Variants in IFT140 observed in about 807,000 individuals in gnomAD.
The protein encoded by IFT140 is intraflagellar transport protein 140 homolog.
A neutral mutation model predicts 164.6 loss-of-function variants in IFT140; 133 were observed. The observed-to-expected ratio is 0.81, with a 90% confidence interval of 0.70 to 0.93. IFT140 has a LOEUF of 0.93. Ranked by LOEUF, IFT140 falls within the 40% of genes least tolerant of loss-of-function variation. The pLI, the probability that IFT140 is intolerant of heterozygous loss-of-function variation, is 0.00. For missense variants in IFT140, 2,045 were observed against 1,972.3 expected, an observed-to-expected ratio of 1.04 and a Z score of -0.70; for synonymous variants, 860 against 817.3, an observed-to-expected ratio of 1.05 and a Z score of -0.89.
intron 4 of IFT140, among the ~76,000 whole-genome samples, chr16:1,598,489 T>A (rs1020899543): frequency 6.6e-5 from 10 of 152,066 alleles, no homozygotes; most frequent in African/African-American, 1.2e-4. Context: ...ATGGCTCCTA[T>A]AAATGATATT....
chr16:1,555,043 C>A (rs12443936), intron 19 of IFT140: 13 of 1,598,228 alleles, frequency 8.1e-6, no homozygotes, highest in Admixed American at 1.7e-5. Flanking sequence ...CTTCTCAGCG[C>A]TCCATCAACG....
Position 1,516,139 on chromosome 16 carries a change from C to CAAAAAAAAAAAAAAAAAAAAAAAAAAA in IFT140, c.4182+2050_4182+2076dup, listed in dbSNP as rs869165237. ...GGCTACAAAGAGCAAAACTCTGTCT[C>CAAAAAAAAAAAAAAAAAAAAAAAAAAA]AAAAAAAAAAAAAAAAAAAAAAAAA... On this transcript the variant is annotated intron_variant, in intron 30 of 30. Transcript: ENST00000426508. 6.5e-5 allele frequency among the ~76,000 whole-genome samples: 3 copies of CAAAAAAAAAAAAAAAAAAAAAAAAAAA among 46,022 alleles called. 1 individual carries two copies. Among genetic ancestry groups the CAAAAAAAAAAAAAAAAAAAAAAAAAAA allele is most frequent in the Non-Finnish European group, 1.4e-4 (3 of 22,028 alleles). The allele number at this position is 46,022 out of a possible 152,430, so 30.2% of individuals were successfully genotyped here. A position where few individuals can be genotyped will look rare whatever the true frequency, so the allele number is the denominator to read the frequency against.
chr16:1,520,542 G>A, intron 27 of IFT140, 60 bp downstream of exon 27: 6 of 1,490,434 alleles, frequency 4.0e-6, no homozygotes, highest in Non-Finnish European at 5.5e-6. Context: ...GATGCGTGCA[G>A]GGGGCCCGCA....
chr16:1,514,800 A>C (rs533180408), intron 30 of IFT140: 1 of 152,368 alleles, frequency 6.6e-6, no homozygotes, highest in African/African-American at 2.4e-5. Context: ...GATCAATCCT[A>C]CATGACCCAG....
chr16:1,511,871 C>G (rs1755938332), intron 30 of IFT140, among the ~76,000 whole-genome samples: 1 of 151,726 alleles, frequency 6.6e-6, no homozygotes, highest in African/African-American at 2.4e-5. Flanking sequence ...TTGGGTAATG[C>G]TGTAGTGGGG....
Position 1,600,557 on chromosome 16 carries a change from A to G in IFT140, c.369+1813T>C, listed in dbSNP as rs551271183. Among the ~76,000 whole-genome samples the G allele has an allele frequency of 2.6e-5, 4 of 152,356 alleles. No homozygotes were observed. In the South Asian group the frequency reaches 8.3e-4, roughly 32 times the overall value. ...AATTAGCAAAAGATTGAAAACCACC[A>G]AAATGTTAATCAACAGGGGGCTGGT... is the stretch of plus-strand genomic sequence containing the variant. On this transcript the variant is annotated intron_variant, in intron 4 of 30. Transcript: ENST00000426508.
At chr16:1,610,081 G>A (rs1258058338) in intron 2 of IFT140, 1 of 153,150 alleles carries the variant, frequency 6.5e-6, no homozygotes, top group Admixed American at 6.5e-5. Context: ...GCTTTGAGTA[G>A]CCTTCCTCGG....
chr16:1,592,690 C>T, intron 4 of IFT140, 102 bp from the exon 5 acceptor site: 1 of 1,497,652 alleles, frequency 6.7e-7, no homozygotes, highest in Non-Finnish European at 9.0e-7. Flanking sequence ...GACAGGTGTC[C>T]CGGCAGAGCG....
At chr16:1,511,285 G>A in intron 30 of IFT140, 135 bp from the exon 31 acceptor site, 1 of 779,090 alleles carries the variant, frequency 1.3e-6, no homozygotes, top group Admixed American at 2.0e-5. Context: ...GGGGTGCACT[G>A]AGGCTTCCCA....
At chr16:1,606,158 G>T (rs936114562) in intron 3 of IFT140, among the ~76,000 whole-genome samples, 2 of 152,232 alleles carry the variant, frequency 1.3e-5, no homozygotes, top group African/African-American at 4.8e-5. Context: ...AGAGCTGCCA[G>T]AATACCTTCC....
intron 4 of IFT140, among the ~76,000 whole-genome samples, chr16:1,600,262 G>A (rs1019704322): frequency 2.8e-5 from 4 of 145,240 alleles, no homozygotes; most frequent in Admixed American, 6.9e-5. Context: ...CAGCATGCTC[G>A]TTAAGAGTCA....
At chr16:1,513,798 C>T (rs184085046) in intron 30 of IFT140, among the ~76,000 whole-genome samples, 34,020 of 147,640 alleles carry the variant, frequency 0.23, 4,407 homozygotes, top group African/African-American at 0.36. Flanking sequence ...CTCAGCCTCC[C>T]AAGTAGCTGG....
At position 1,523,592 on chromosome 16, in the gene IFT140, C is replaced by T; in HGVS notation, c.3379G>A (p.Ala1127Thr). 1 of 1,613,848 alleles carries T rather than the reference C, an allele frequency of 6.2e-7. No individual in the cohort carries two copies. The highest frequency in any genetic ancestry group is 8.5e-7 in the Non-Finnish European group (1 of 1,180,000). ...TCGATGAAGAAGTCGGAGCAGCGGGCCAGGAGCGCAGGGTCTGACGTCTCA... is the reference window on the plus strand; with the variant it reads ...TCGATGAAGAAGTCGGAGCAGCGGGTCAGGAGCGCAGGGTCTGACGTCTCA... ...LDETSDPALL[A>T]RCSDFFIEHS... is the part of the protein sequence containing the mutation. Residue 1127 changes from alanine (A) to threonine (T), a missense_variant, in exon 26 of 31, where the codon GCC (alanine) becomes ACC (threonine). Ala to Thr is a moderately conservative substitution (Grantham distance 58). Transcript: ENST00000426508.
chr16:1,511,591 T>A (rs942365279), intron 30 of IFT140, among the ~76,000 whole-genome samples: 3 of 152,002 alleles, frequency 2.0e-5, no homozygotes, highest in Non-Finnish European at 4.4e-5. Flanking sequence ...GTATTTTTTT[T>A]TTTTGAGATG....
intron 12 of IFT140, among the ~76,000 whole-genome samples, chr16:1,581,592 T>C (rs2034560375): frequency 6.6e-6 from 1 of 150,786 alleles, no homozygotes; most frequent in African/African-American, 2.5e-5. Flanking sequence ...ACAGCAAGAC[T>C]GTCTCAGAAA....
At chr16:1,588,559 G>A (rs989969047) in intron 7 of IFT140, among the ~76,000 whole-genome samples, 3 of 77,354 alleles carry the variant, frequency 3.9e-5, no homozygotes, top group African/African-American at 2.2e-4. Context: ...AGTAATAATG[G>A]CTACTGAGCA....
At chr16:1,549,846 C>A (rs2032487957) in intron 19 of IFT140, among the ~76,000 whole-genome samples, 2 of 152,236 alleles carry the variant, frequency 1.3e-5, no homozygotes, top group Non-Finnish European at 2.9e-5. Context: ...CTGTTTACAC[C>A]TGATCTGCCA....
chr16:1,543,305 C>A (rs1367520738), intron 19 of IFT140, among the ~76,000 whole-genome samples: 2 of 152,236 alleles, frequency 1.3e-5, no homozygotes, highest in Admixed American at 1.3e-4. Context: ...GATCCTGGGC[C>A]CTTATCTTTC....
rs2030497611 is a variant in IFT140 at position 1,531,577 on chromosome 16, C to G, written c.2400-4781G>C. On this transcript the variant is annotated intron_variant, in intron 19 of 30. Transcript: ENST00000426508. This position sits in a 1 kb window ranked among gnomAD's most constrained non-coding sequence, Gnocchi z 4.7. Reference sequence around the variant, plus strand: ...ACTGTGGGGGAAGCCCACCGCCCAGCTGCGAGTCCCCTTACTGGGAGTCAC... The same window carrying G: ...ACTGTGGGGGAAGCCCACCGCCCAGGTGCGAGTCCCCTTACTGGGAGTCAC... 6.6e-6 allele frequency: 1 copy of G among 152,288 alleles called. No individual in the cohort carries two copies. The allele number at this position is 152,288 out of a possible 1,614,324, so 9.4% of individuals were successfully genotyped here.
Sources: allele counts gnomAD v4.1 joint callset (sites outside exome capture counted in the v4.1 genomes callset), GRCh38; gene constraint gnomAD v4.1.1; non-coding constraint Gnocchi (gnomAD v3.1); transcripts MANE v1.5; gene names NCBI Gene and HGNC (gene_info 2026-07-23, HGNC 2026-07-21).